Variants in TESK2 observed in about 807,000 individuals in gnomAD.
TESK2 encodes testis associated actin remodelling kinase 2, also known as dual specificity testis-specific protein kinase 2.
TESK2 carries 39 observed loss-of-function variants against 57.1 expected under a neutral mutation model. The observed-to-expected ratio is 0.68, with a 90% confidence interval of 0.53 to 0.89. TESK2 has a LOEUF of 0.89. Among genes scored for constraint, TESK2 ranks in the 40% least tolerant of loss-of-function variants. The pLI is 0.00. For missense variants in TESK2, 646 were observed against 732.1 expected (o/e 0.88, Z 1.36); for synonymous variants, 249 against 267.9 (o/e 0.93, Z 0.69).
intron 6 of TESK2, 33 bp from the exon 7 acceptor site, chr1:45,347,726 G>A (rs181733253): frequency 6.2e-7 from 1 of 1,605,312 alleles, no homozygotes; most frequent in East Asian, 2.2e-5. Context: ...AAATGAGCTT[G>A]CCAATGGCTG....
chr1:45,410,967 T>G (rs966826918), intron 3 of TESK2, among the ~76,000 whole-genome samples: 5 of 152,188 alleles, frequency 3.3e-5, no homozygotes, highest in African/African-American at 1.2e-4. Flanking sequence ...CAGTTTAACC[T>G]TAAAGCAAGG....
chr1:45,366,931 C>T (rs1047372840), intron 4 of TESK2, among the ~76,000 whole-genome samples: 2 of 152,014 alleles, frequency 1.3e-5, no homozygotes, highest in Non-Finnish European at 2.9e-5. Context: ...CTCACGAGTT[C>T]GAGACCAGCC....
intron 3 of TESK2, among the ~76,000 whole-genome samples, chr1:45,416,719 A>G (rs1650256594): frequency 6.6e-6 from 1 of 151,596 alleles, no homozygotes; most frequent in Non-Finnish European, 1.5e-5. Context: ...TCTCTGACCA[A>G]CTTCCCCCTA....
chr1:45,379,836 GA>G (rs1338338748), intron 4 of TESK2, among the ~76,000 whole-genome samples: 1 of 152,190 alleles, frequency 6.6e-6, no homozygotes, highest in African/African-American at 2.4e-5. Flanking sequence ...TGCAACTGCA[GA>G]ATTGGCTGAG....
chr1:45,390,799 G>T (rs1487971424), intron 3 of TESK2, among the ~76,000 whole-genome samples: 2 of 151,346 alleles, frequency 1.3e-5, no homozygotes, highest in East Asian at 3.9e-4. Flanking sequence ...ATAGCGATAG[G>T]GTCTCATTAT....
At chr1:45,379,258 TG>T (rs1648555343) in intron 4 of TESK2, among the ~76,000 whole-genome samples, 1 of 152,216 alleles carries the variant, frequency 6.6e-6, no homozygotes, top group Non-Finnish European at 1.5e-5. Context: ...CTTGCCCTCC[TG>T]GGCTCAAGTA....
At chr1:45,416,307 AC>A (rs1441366190) in intron 3 of TESK2, among the ~76,000 whole-genome samples, 1 of 151,386 alleles carries the variant, frequency 6.6e-6, no homozygotes, top group Non-Finnish European at 1.5e-5. Flanking sequence ...TGTTTTCTCT[AC>A]AAAAAATACA....
At chr1:45,383,423 G>T (rs1179657584) in intron 4 of TESK2, among the ~76,000 whole-genome samples, 4 of 152,050 alleles carry the variant, frequency 2.6e-5, no homozygotes, top group South Asian at 2.1e-4. Context: ...AATATCATAA[G>T]CTATGTCAAA....
At chr1:45,410,460 C>T (rs1649994453) in intron 3 of TESK2, among the ~76,000 whole-genome samples, 1 of 151,936 alleles carries the variant, frequency 6.6e-6, no homozygotes, top group Non-Finnish European at 1.5e-5. Context: ...AAAAAATTAG[C>T]TGGGCATGGT....
intron 5 of TESK2, among the ~76,000 whole-genome samples, chr1:45,354,280 A>AC (rs1647315719): frequency 6.6e-6 from 1 of 151,918 alleles, no homozygotes; most frequent in Non-Finnish European, 1.5e-5. Context: ...GCTTGAGCTC[A>AC]CAAGTTTGAG....
intron 2 of TESK2, 79 bp downstream of exon 2, chr1:45,457,484 TC>T: frequency 7.6e-7 from 1 of 1,322,192 alleles, no homozygotes; most frequent in Non-Finnish European, 1.1e-6. Flanking sequence ...AAATCCTACA[TC>T]CTAATTAAAC....
At chr1:45,418,981 CTTT>C (rs201981155) in intron 3 of TESK2, among the ~76,000 whole-genome samples, 6 of 141,082 alleles carry the variant, frequency 4.3e-5, no homozygotes, top group Admixed American at 1.4e-4. Context: ...TTCCCTGACC[CTTT>C]TTTTTTTTTT....
At chr1:45,369,406 T>G (rs1648085579) in intron 4 of TESK2, among the ~76,000 whole-genome samples, 1 of 151,864 alleles carries the variant, frequency 6.6e-6, no homozygotes, top group South Asian at 2.1e-4. Flanking sequence ...GGCAGGAGAA[T>G]CACTTGAAAC....
chr1:45,473,325 G>A (rs1302032005), intron 1 of TESK2, among the ~76,000 whole-genome samples: 1 of 152,050 alleles, frequency 6.6e-6, no homozygotes, highest in Non-Finnish European at 1.5e-5. Context: ...GACAAAAAAA[G>A]GAAGAGTATA....
At chr1:45,422,584 C>T (rs1014792129) in intron 2 of TESK2, among the ~76,000 whole-genome samples, 15 of 151,998 alleles carry the variant, frequency 9.9e-5, no homozygotes, top group African/African-American at 2.4e-4. Context: ...GCTGGGATTA[C>T]AGGCATGTGC....
At chr1:45,428,862 C>A (rs1650827648) in intron 2 of TESK2, among the ~76,000 whole-genome samples, 2 of 127,310 alleles carry the variant, frequency 1.6e-5, no homozygotes, top group African/African-American at 6.2e-5. Context: ...CGCTCTGTCA[C>A]CCAGGCTGGA....
intron 2 of TESK2, among the ~76,000 whole-genome samples, chr1:45,429,465 A>G (rs865855106): frequency 6.6e-6 from 1 of 152,174 alleles, no homozygotes; most frequent in Non-Finnish European, 1.5e-5. Flanking sequence ...TAGTAAGGAT[A>G]TGGAACATTT....
chr1:45,457,972 C>A, intron 1 of TESK2, 101 bp from the exon 2 acceptor site: 1 of 564,656 alleles, frequency 1.8e-6, no homozygotes, highest in Non-Finnish European at 3.1e-6. Flanking sequence ...CATTCTAGTT[C>A]CTGGTTTTCA....
intron 1 of TESK2, among the ~76,000 whole-genome samples, chr1:45,481,011 C>CA (rs1327130042): frequency 7.5e-5 from 11 of 147,558 alleles, no homozygotes; most frequent in South Asian, 2.2e-4. Flanking sequence ...TATATATAAC[C>CA]AAAAAAAAAG....
Sources: gnomAD v4.1 joint callset for allele counts (sites outside exome capture counted in the v4.1 genomes callset) on GRCh38, gnomAD v4.1.1 for gene constraint, MANE v1.5 for transcripts, NCBI Gene and HGNC (gene_info 2026-07-23, HGNC 2026-07-21) for gene names.